The following SEC22C variants were observed in gnomAD, a reference collection of about 807,000 sequenced individuals.
SEC22C encodes vesicle-trafficking protein SEC22c.
SEC22C carries 29 observed loss-of-function variants against 34.7 expected under a neutral mutation model. The observed-to-expected ratio is 0.84, with a 90% CI of 0.62 to 1.14. The LOEUF is 1.14. SEC22C is among the 50% of genes most tolerant of loss of function. The pLI, the probability that SEC22C is intolerant of heterozygous loss-of-function variation, is 0.00. For synonymous variants in SEC22C, 117 were observed against 132.8 expected (o/e 0.88, Z 0.82); for missense variants, 337 against 369.0 (o/e 0.91, Z 0.71).
Position 42,548,833 on chromosome 3 carries a change from G to T in SEC22C, c.*4415C>A. The T allele has an allele frequency of 7.1e-7, 1 of 1,413,066 alleles. No homozygotes were observed. Among genetic ancestry groups the T allele is most frequent in the Non-Finnish European group, 9.2e-7 (1 of 1,083,428 alleles). The allele number at this position is 1,413,066 out of a possible 1,614,324, so 87.5% of individuals were successfully genotyped here. ...CCAGAAGAAATGGCTGTGCTGTGCT[G>T]CCTGAAGCAGAAAAACCTTCATGTA... On this transcript the variant is annotated 3_prime_UTR_variant, in exon 7 of 7. Coordinates refer to ENST00000264454, the MANE Select transcript of SEC22C (RefSeq NM_032970.4).
rs1170976484 is a variant in SEC22C at position 42,552,496 on chromosome 3, T to C, written c.*752A>G. 4 of 983,540 alleles carry C rather than the reference T, an allele frequency of 4.1e-6. No individual in the cohort carries two copies. Among genetic ancestry groups the C allele is most frequent in the African/African-American group, 1.7e-5 (1 of 57,176 alleles). The allele number at this position is 983,540 out of a possible 1,614,324, so 60.9% of individuals were successfully genotyped here. A position where few individuals can be genotyped will look rare whatever the true frequency, so the allele number is the denominator to read the frequency against. On this transcript the variant is annotated 3_prime_UTR_variant, in exon 7 of 7. Transcript: ENST00000264454. Reference sequence around the variant, plus strand: ...TGCTGACAAACTTATCATCTAGAAGTACTGGTTATTCAATTAATTTTTAAA... The same window carrying C: ...TGCTGACAAACTTATCATCTAGAAGCACTGGTTATTCAATTAATTTTTAAA...
At chr3:42,557,126 G>A (rs1702578194) in intron 5 of SEC22C, among the ~76,000 whole-genome samples, 1 of 152,206 alleles carries the variant, frequency 6.6e-6, no homozygotes, top group African/African-American at 2.4e-5. Flanking sequence ...ACCAGTGAAG[G>A]AACTTCCTAG....
Position 42,552,050 on chromosome 3 carries a change from C to A in SEC22C, c.*1198G>T. On this transcript the variant is annotated 3_prime_UTR_variant, in exon 7 of 7. Coordinates refer to ENST00000264454, the MANE Select transcript of SEC22C (RefSeq NM_032970.4). ...CCTGCGTGGTACAAAACAAGCCAGG[C>A]TGAAATTTCGGGAAACCTAAGGGAT... The A allele has an allele frequency of 2.0e-6, 2 of 985,436 alleles. No homozygotes were observed. The highest frequency in any genetic ancestry group is 2.4e-6 in the Non-Finnish European group (2 of 829,932). 61.0% of individuals were successfully genotyped at this position (985,436 alleles called of 1,614,324 possible).
At chr3:42,586,864 T>C (rs1352375619), upstream of SEC22C, among the ~76,000 whole-genome samples, 1 of 152,198 alleles carries the variant, frequency 6.6e-6, no homozygotes, top group Non-Finnish European at 1.5e-5. Context: ...ACACTGTACA[T>C]TTCCACAACT....
chr3:42,594,578 T>G, intron 1 of SEC22C: 1 of 1,356,028 alleles, frequency 7.4e-7, no homozygotes, highest in Non-Finnish European at 1.0e-6. Flanking sequence ...AATCCATCTC[T>G]TACAAAATGG....
chr3:42,561,167 T>A lies in SEC22C; in HGVS notation c.476A>T (p.Asp159Val). Residue 159 changes from aspartate (D) to valine (V), a missense_variant, in exon 4 of 7, where the codon GAT becomes GTT. Coordinates refer to ENST00000264454, the MANE Select transcript of SEC22C (RefSeq NM_032970.4). The part of the protein sequence containing the change: ...PPAVLTLEDT[D>V]VANGVMNGHT... ...ACCATTCATCACCCCATTTGCCACA[T>A]CTGTGTCCTCCAGAGTGAGAACCGC... 6.2e-7 allele frequency: 1 copy of A among 1,614,172 alleles called. No homozygotes were observed. Among genetic ancestry groups the A allele is most frequent in the Non-Finnish European group, 8.5e-7 (1 of 1,180,028 alleles).
intron 6 of SEC22C, among the ~76,000 whole-genome samples, chr3:42,555,145 A>G (rs1702455835): frequency 6.6e-6 from 1 of 152,056 alleles, no homozygotes; most frequent in African/African-American, 2.4e-5. Context: ...GGAGATCGAG[A>G]CCATCCTGGC....
chr3:42,590,877 T>C, intron 1 of SEC22C: 1 of 1,607,536 alleles, frequency 6.2e-7, no homozygotes. Context: ...TTGGCGGTCG[T>C]GGTTCCGGAG....
intron 1 of SEC22C, among the ~76,000 whole-genome samples, chr3:42,598,326 A>G (rs954333911): frequency 3.6e-5 from 5 of 140,838 alleles, no homozygotes; most frequent in Non-Finnish European, 7.8e-5. Context: ...AAAAGAACAA[A>G]TTTTTTTTTT....
In SEC22C at chr3:42,549,461, G is replaced by C; in HGVS notation, c.*3787C>G. The stretch of plus-strand genomic sequence containing the variant: ...TCTTCCAGCAGAGAGAGAACCCCCA[G>C]CTCTGCTCCCTACCTATGCCCTGCT... On this transcript the variant is annotated 3_prime_UTR_variant, in exon 7 of 7. Transcript: ENST00000264454. 1.0e-6 allele frequency: 1 copy of C among 985,922 alleles called. No homozygotes were observed. The highest frequency in any genetic ancestry group is 4.7e-5 in the South Asian group (1 of 21,292). The allele number at this position is 985,922 out of a possible 1,614,324, so 61.1% of individuals were successfully genotyped here. A position where few individuals can be genotyped will look rare whatever the true frequency, so the allele number is the denominator to read the frequency against.
intron 5 of SEC22C, 21 bp downstream of exon 5, chr3:42,557,557 T>TTTAAAA: frequency 9.9e-7 from 1 of 1,005,094 alleles, no homozygotes; most frequent in Admixed American, 2.5e-5. Flanking sequence ...TAAACTGTTT[T>TTTAAAA]AAAAAAAAAA....
chr3:42,591,392 C>A, intron 1 of SEC22C: 1 of 667,452 alleles, frequency 1.5e-6, no homozygotes, highest in Non-Finnish European at 2.7e-6. Context: ...ATGGGGTTTC[C>A]CCATGTTGGC....
chr3:42,555,930 C>G lies in SEC22C; in HGVS notation c.711G>C (p.Gln237His). 6.2e-7 allele frequency: 1 copy of G among 1,612,832 alleles called. No individual in the cohort carries two copies. Among genetic ancestry groups the G allele is most frequent in the Non-Finnish European group, 8.5e-7 (1 of 1,179,010 alleles). The part of the protein sequence containing the change: ...FLVPFVACIF[Q>H]CYLYLFYSPA... Reference sequence around the variant, plus strand: ...CTGACCAAAATATCGTTTCACCCACCTGGAAAATGCAGGCTACGAAAGGAA... The same window carrying G: ...CTGACCAAAATATCGTTTCACCCACGTGGAAAATGCAGGCTACGAAAGGAA... Residue 237 changes from glutamine to histidine, a missense_variant and splice_region_variant, in exon 6 of 7, where the codon CAG (glutamine) becomes CAC (histidine). Physicochemically the swap from Gln to His is conservative, Grantham distance 24. Coordinates refer to ENST00000264454, the MANE Select transcript of SEC22C (RefSeq NM_032970.4).
chr3:42,574,363 CAAAAAAA>C (rs202174342), intron 1 of SEC22C, among the ~76,000 whole-genome samples: 2 of 87,896 alleles, frequency 2.3e-5, no homozygotes, highest in African/African-American at 8.3e-5. Context: ...GACCCTGTCT[CAAAAAAA>C]AAAAAAAAAA....
chr3:42,600,143 C>T (rs768963937), intron 1 of SEC22C, among the ~76,000 whole-genome samples: 3 of 152,148 alleles, frequency 2.0e-5, no homozygotes, highest in Non-Finnish European at 4.4e-5. Flanking sequence ...GGAACTGAAA[C>T]TTCACAAAAG....
chr3:42,554,438 G>A (rs898860385), intron 6 of SEC22C, among the ~76,000 whole-genome samples: 2 of 152,132 alleles, frequency 1.3e-5, no homozygotes, highest in African/African-American at 2.4e-5. Flanking sequence ...TCCACCTCCA[G>A]GGTTCAAGCA....
chr3:42,549,590 AGGC>A lies in SEC22C; in HGVS notation c.*3655_*3657del, dbSNP rs553608554. The A allele has an allele frequency of 1.9e-4, 187 of 985,124 alleles. 1 individual carries two copies. Among genetic ancestry groups the A allele is most frequent in the African/African-American group, 1.5e-3 (86 of 57,154 alleles). 61.0% of individuals were successfully genotyped at this position (985,124 alleles called of 1,614,324 possible). A position where few individuals can be genotyped will look rare whatever the true frequency, so the allele number is the denominator to read the frequency against. On this transcript the variant is annotated 3_prime_UTR_variant, in exon 7 of 7. Transcript: ENST00000264454. ...TACTCCTCTCCAAGACTTGACTCCC[AGGC>A]ATGGGTGGGAGAGTTGAACCTCAAT...
Position 42,551,797 on chromosome 3 carries a change from C to T in SEC22C, c.*1451G>A, listed in dbSNP as rs1004426660. The T allele has an allele frequency of 3.0e-5, 29 of 975,226 alleles. No individual in the cohort carries two copies. The African/African-American group carries it at 5.1e-4, about 17-fold the overall frequency. 60.4% of individuals were successfully genotyped at this position (975,226 alleles called of 1,614,324 possible). A position where few individuals can be genotyped will look rare whatever the true frequency, so the allele number is the denominator to read the frequency against. ...AATAACAATACAATACCAGTGATAA[C>T]CAAATATAATTGAATTTTTCTAAAA... On this transcript the variant is annotated 3_prime_UTR_variant, in exon 7 of 7. Coordinates refer to ENST00000264454, the MANE Select transcript of SEC22C (RefSeq NM_032970.4).
intron 1 of SEC22C, chr3:42,591,610 C>T (rs1704848328): frequency 4.4e-6 from 7 of 1,605,034 alleles, no homozygotes; most frequent in Admixed American, 1.7e-5. Flanking sequence ...CAGTAAGTAC[C>T]CCCACCCCCG....
Sources: gnomAD v4.1 joint callset for allele counts (sites outside exome capture counted in the v4.1 genomes callset) on GRCh38, gnomAD v4.1.1 for gene constraint, MANE v1.5 for transcripts, NCBI Gene and HGNC (gene_info 2026-07-23, HGNC 2026-07-21) for gene names.